PPIB: variants seen among roughly 807,000 people sequenced by gnomAD.
PPIB encodes peptidyl-prolyl cis-trans isomerase B.
In PPIB, 15 loss-of-function variants were observed where a neutral mutation model predicts 20.1. The ratio of observed to expected loss-of-function variants is 0.75; its 90% confidence interval spans 0.50 to 1.15. PPIB has a LOEUF of 1.15. Among genes scored for constraint, PPIB ranks in the 50% most tolerant of loss-of-function variants. PPIB has a pLI of 0.00. For missense variants in PPIB, 278 were observed against 283.0 expected, an observed-to-expected ratio of 0.98 and a Z score of 0.13; for synonymous variants, 129 against 111.0, an observed-to-expected ratio of 1.16 and a Z score of -1.02.
rs143287832 is a variant in PPIB at position 64,156,068 on chromosome 15, G to A, written c.606C>T (p.Cys202=). ...KPLKDVIIAD[C]GKIEVEKPFA... ...AGGGCTTCTCCACCTCGATCTTGCC[G>A]CAGTCTGCGATGATCACATCCTTCA... The change falls in exon 5 of 5, where the codon TGC becomes TGT. Residue 202 remains cysteine (C), a synonymous_variant. Coordinates refer to ENST00000300026, the MANE Select transcript of PPIB (RefSeq NM_000942.5). This position sits in a 1 kb window ranked among gnomAD's most constrained non-coding sequence, Gnocchi z 6.4. 3.2e-5 allele frequency: 51 copies of A among 1,614,062 alleles called. No homozygotes were observed. Among genetic ancestry groups the A allele is most frequent in the African/African-American group, 1.5e-4 (11 of 74,920 alleles).
In PPIB at chr15:64,162,139, G is replaced by A. The variant is rs1176556935; in HGVS notation, c.151C>T (p.Arg51Ter). Residue 51 changes from arginine (R) to a stop codon, truncating the protein, a stop_gained, in exon 2 of 5, where the codon CGA becomes TGA. Transcript: ENST00000300026. LOFTEE classifies it high-confidence loss of function. The stretch of plus-strand genomic sequence containing the variant: ...CGGCCTACATCTTCATCTCCAATTC[G>A]TAGGTCAAAATACACCTGAGGAAAG... ...KVTVKVYFDL[R>*]IGDEDVGRVI... The A allele has an allele frequency of 5.0e-6, 8 of 1,613,214 alleles. No individual in the cohort carries two copies. The highest frequency in any genetic ancestry group is 6.8e-6 in the Non-Finnish European group (8 of 1,179,192).
rs537743514 is a variant in PPIB at position 64,159,823 on chromosome 15, G to A, written c.343+281C>T. The A allele has an allele frequency of 1.1e-5, 6 of 543,208 alleles. No individual in the cohort carries two copies. Among genetic ancestry groups the A allele is most frequent in the South Asian group, 1.0e-4 (5 of 49,044 alleles). 33.6% of individuals were successfully genotyped at this position (543,208 alleles called of 1,614,324 possible). ...TCTCCCCAATCCCCATTCTGAAGAGGTATCAGGAAAGGTCACCAGGCTATA... is the reference window on the plus strand; with the variant it reads ...TCTCCCCAATCCCCATTCTGAAGAGATATCAGGAAAGGTCACCAGGCTATA... On this transcript the variant is annotated intron_variant, in intron 3 of 4. Transcript: ENST00000300026. This position sits in a 1 kb window ranked among gnomAD's most constrained non-coding sequence, Gnocchi z 5.1.
At position 64,159,847 on chromosome 15, in the gene PPIB, T is replaced by A. The variant is rs1366295498; in HGVS notation, c.343+257A>T. 6.9e-6 allele frequency: 4 copies of A among 578,268 alleles called. No homozygotes were observed. The highest frequency in any genetic ancestry group is 9.3e-6 in the Non-Finnish European group (3 of 323,304). The allele number at this position is 578,268 out of a possible 1,614,324, so 35.8% of individuals were successfully genotyped here. On this transcript the variant is annotated intron_variant, in intron 3 of 4. Coordinates refer to ENST00000300026, the MANE Select transcript of PPIB (RefSeq NM_000942.5). This position sits in a 1 kb window ranked among gnomAD's most constrained non-coding sequence, Gnocchi z 5.1. ...GGTATCAGGAAAGGTCACCAGGCTATAGGCCTGGATCAGCAGGACGGTCAC... is the reference window on the plus strand; with the variant it reads ...GGTATCAGGAAAGGTCACCAGGCTAAAGGCCTGGATCAGCAGGACGGTCAC...
chr15:64,159,828 A>C lies in PPIB; in HGVS notation c.343+276T>G, dbSNP rs971491870. ...CCAATCCCCATTCTGAAGAGGTATC[A>C]GGAAAGGTCACCAGGCTATAGGCCT... On this transcript the variant is annotated intron_variant, in intron 3 of 4. Coordinates refer to ENST00000300026, the MANE Select transcript of PPIB (RefSeq NM_000942.5). This position sits in a 1 kb window ranked among gnomAD's most constrained non-coding sequence, Gnocchi z 5.1. 1.8e-6 allele frequency: 1 copy of C among 550,166 alleles called. No individual in the cohort carries two copies. The highest frequency in any genetic ancestry group is 1.9e-5 in the African/African-American group (1 of 52,710). The allele number at this position is 550,166 out of a possible 1,614,324, so 34.1% of individuals were successfully genotyped here.
Position 64,162,090 on chromosome 15 carries a change from T to C in PPIB, c.200A>G (p.Lys67Arg), listed in dbSNP as rs777208720. Reference sequence around the variant, plus strand: ...ATTATCCACTGTTTTTGGAACAGTCTTTCCGAAGAGACCAAAGATCACCCG... The same window carrying C: ...ATTATCCACTGTTTTTGGAACAGTCCTTCCGAAGAGACCAAAGATCACCCG... ...VGRVIFGLFG[K>R]TVPKTVDNFV... The change falls in exon 2 of 5, where the codon AAG (lysine) becomes AGG (arginine). Residue 67 changes from lysine (K) to arginine (R), a missense_variant. Transcript: ENST00000300026. The C allele has an allele frequency of 4.3e-6, 7 of 1,614,060 alleles. No homozygotes were observed. Among genetic ancestry groups the C allele is most frequent in the Non-Finnish European group, 5.1e-6 (6 of 1,180,012 alleles).
Position 64,155,837 on chromosome 15 carries a change from A to T in PPIB, c.*186T>A. The T allele has an allele frequency of 1.3e-6, 1 of 777,096 alleles. No homozygotes were observed. The highest frequency in any genetic ancestry group is 2.0e-6 in the Non-Finnish European group (1 of 497,052). 48.1% of individuals were successfully genotyped at this position (777,096 alleles called of 1,614,324 possible). A position where few individuals can be genotyped will look rare whatever the true frequency, so the allele number is the denominator to read the frequency against. ...TTATATATTAAAAAAAAAAAAACCC[A>T]CATTTTTTTTTATTGGTCAGTGTTG... On this transcript the variant is annotated 3_prime_UTR_variant, in exon 5 of 5. Coordinates refer to ENST00000300026, the MANE Select transcript of PPIB (RefSeq NM_000942.5).
chr15:64,158,015 T>C lies in PPIB; in HGVS notation c.344-1106A>G, dbSNP rs1402917035. Among the ~76,000 whole-genome samples, 2 of 152,208 alleles carry C rather than the reference T, an allele frequency of 1.3e-5. No individual in the cohort carries two copies. The highest frequency in any genetic ancestry group is 6.5e-5 in the Admixed American group (1 of 15,282). On this transcript the variant is annotated intron_variant, in intron 3 of 4. Transcript: ENST00000300026. The surrounding 1 kb of genome is among the most constrained non-coding windows in gnomAD (Gnocchi z 4.7). ...CCCCATTTGAGCCAACTGTGGGATT[T>C]TGATTATAGTTGTTATCCAGAAAAC...
chr15:64,157,120 TGTG>T lies in PPIB; in HGVS notation c.344-214_344-212del, dbSNP rs542049949. On this transcript the variant is annotated intron_variant, in intron 3 of 4. Transcript: ENST00000300026. The surrounding 1 kb of genome is among the most constrained non-coding windows in gnomAD (Gnocchi z 4.2). ...CAAGTGGGGCATCAGGCCAGGCTGA[TGTG>T]GTGAACAGCTCACAGAAGGATTACT... 335 of 601,108 alleles carry T rather than the reference TGTG, an allele frequency of 5.6e-4. No homozygotes were observed. The highest frequency in any genetic ancestry group is 8.5e-4 in the Non-Finnish European group (288 of 338,900). 37.2% of individuals were successfully genotyped at this position (601,108 alleles called of 1,614,324 possible). A position where few individuals can be genotyped will look rare whatever the true frequency, so the allele number is the denominator to read the frequency against.
Position 64,155,838 on chromosome 15 carries a change from C to CATTT in PPIB, c.*181_*184dup. ...TATATATTAAAAAAAAAAAAACCCA[C>CATTT]ATTTTTTTTTATTGGTCAGTGTTGG... On this transcript the variant is annotated 3_prime_UTR_variant, in exon 5 of 5. Transcript: ENST00000300026. The CATTT allele has an allele frequency of 1.3e-6, 1 of 799,824 alleles. No individual in the cohort carries two copies. The highest frequency in any genetic ancestry group is 1.9e-6 in the Non-Finnish European group (1 of 515,580). The allele number at this position is 799,824 out of a possible 1,614,324, so 49.5% of individuals were successfully genotyped here. A position where few individuals can be genotyped will look rare whatever the true frequency, so the allele number is the denominator to read the frequency against.
In PPIB at chr15:64,162,865, T is replaced by C. The variant is rs2081570436; in HGVS notation, c.122A>G (p.Lys41Arg). The part of the protein sequence containing the change: ...SAADEKKKGP[K>R]VTVKVYFDLR... ...ACTCCACCGGACCTTGACGGTGACTTTGGGCCCCTTCTTCTTCTCATCGGC... is the reference window on the plus strand; with the variant it reads ...ACTCCACCGGACCTTGACGGTGACTCTGGGCCCCTTCTTCTTCTCATCGGC... The change falls in exon 1 of 5, where the codon AAA (lysine) becomes AGA (arginine). Residue 41 changes from lysine (K) to arginine (R), a missense_variant. Transcript: ENST00000300026. 2 of 1,611,486 alleles carry C rather than the reference T, an allele frequency of 1.2e-6. No individual in the cohort carries two copies. The highest frequency in any genetic ancestry group is 1.7e-6 in the Non-Finnish European group (2 of 1,179,204).
Position 64,158,355 on chromosome 15 carries a change from T to G in PPIB, c.344-1446A>C, listed in dbSNP as rs1490084301. On this transcript the variant is annotated intron_variant, in intron 3 of 4. Transcript: ENST00000300026. The surrounding 1 kb of genome is among the most constrained non-coding windows in gnomAD (Gnocchi z 4.7). ...CTCTATGAGGAGGAGCTAACTCCAC[T>G]TCAAAGATGAAGAAACTGAGGCACA... is the stretch of plus-strand genomic sequence containing the variant. Among the ~76,000 whole-genome samples the G allele has an allele frequency of 1.3e-5, 2 of 152,162 alleles. No individual in the cohort carries two copies. The highest frequency in any genetic ancestry group is 4.8e-5 in the African/African-American group (2 of 41,424).
chr15:64,162,655 A>G (rs2081569341), intron 1 of PPIB, among the ~76,000 whole-genome samples, 197 bp downstream of exon 1: 1 of 152,186 alleles, frequency 6.6e-6, no homozygotes, highest in Non-Finnish European at 1.5e-5. Flanking sequence ...CCGGGGATCC[A>G]ACTAACTCCC....
chr15:64,155,863 G>A lies in PPIB; in HGVS notation c.*160C>T, dbSNP rs1352619145. The A allele has an allele frequency of 1.5e-5, 16 of 1,062,052 alleles. No individual in the cohort carries two copies. In the East Asian group the frequency reaches 1.9e-4, roughly 13 times the overall value. The allele number at this position is 1,062,052 out of a possible 1,614,324, so 65.8% of individuals were successfully genotyped here. On this transcript the variant is annotated 3_prime_UTR_variant, in exon 5 of 5. Transcript: ENST00000300026. ...CATTTTTTTTTATTGGTCAGTGTTG[G>A]TAGGAGTTTGTTACAAAAGTGAGTC...
Position 64,161,255 on chromosome 15 carries a change from C to T in PPIB, c.249+786G>A, listed in dbSNP as rs1291724312. 6.6e-6 allele frequency among the ~76,000 whole-genome samples: 1 copy of T among 151,978 alleles called. No homozygotes were observed. Among genetic ancestry groups the T allele is most frequent in the Non-Finnish European group, 1.5e-5 (1 of 67,992 alleles). On this transcript the variant is annotated intron_variant, in intron 2 of 4. Coordinates refer to ENST00000300026, the MANE Select transcript of PPIB (RefSeq NM_000942.5). This position sits in a 1 kb window ranked among gnomAD's most constrained non-coding sequence, Gnocchi z 4.2. ...GGGACTACAGGCATGAGTTACTGCG[C>T]CCGGCCTTTTATTTTTAATTAATTT...
Position 64,156,975 on chromosome 15 carries a change from C to T in PPIB, c.344-66G>A. On this transcript the variant is annotated intron_variant, in intron 3 of 4. Coordinates refer to ENST00000300026, the MANE Select transcript of PPIB (RefSeq NM_000942.5). The surrounding 1 kb of genome is among the most constrained non-coding windows in gnomAD (Gnocchi z 6.4). ...GCCAAACCAAGCAGACATTCGGGGC[C>T]AGGACTGAGGGGGCTTAACCTGTCC... is the stretch of plus-strand genomic sequence containing the variant. 6.5e-6 allele frequency: 10 copies of T among 1,540,558 alleles called. No homozygotes were observed. Among genetic ancestry groups the T allele is most frequent in the South Asian group, 1.1e-5 (1 of 88,176 alleles).
At position 64,156,867 on chromosome 15, in the gene PPIB, T is replaced by A. The variant is rs752300639; in HGVS notation, c.386A>T (p.Lys129Ile). 1 of 1,614,208 alleles carries A rather than the reference T, an allele frequency of 6.2e-7. No homozygotes were observed. Residue 129 changes from lysine (K) to isoleucine (I), a missense_variant, in exon 4 of 5, where the codon AAA (lysine) becomes ATA (isoleucine). Physicochemically the swap from Lys to Ile is moderately radical, Grantham distance 102. Coordinates refer to ENST00000300026, the MANE Select transcript of PPIB (RefSeq NM_000942.5). This position sits in a 1 kb window ranked among gnomAD's most constrained non-coding sequence, Gnocchi z 6.4. ...CCAGCCAGGCCCGTAGTGCTTCAGT[T>A]TGAAGTTCTCATCGGGGAAGCGCTC... ...YGERFPDENF[K>I]LKHYGPGWVS...
chr15:64,159,693 G>A lies in PPIB; in HGVS notation c.343+411C>T, dbSNP rs181786003. On this transcript the variant is annotated intron_variant, in intron 3 of 4. Coordinates refer to ENST00000300026, the MANE Select transcript of PPIB (RefSeq NM_000942.5). The surrounding 1 kb of genome is among the most constrained non-coding windows in gnomAD (Gnocchi z 5.1). ...CTGGGATCACAGAGTCACCACGCCT[G>A]GCCCTCTCACTCTTGCTGGGGCTTC... The A allele has an allele frequency of 8.9e-5, 27 of 304,278 alleles. No homozygotes were observed. The highest frequency in any genetic ancestry group is 5.8e-4 in the African/African-American group (27 of 46,268). 18.8% of individuals were successfully genotyped at this position (304,278 alleles called of 1,614,324 possible).
At position 64,157,074 on chromosome 15, in the gene PPIB, C is replaced by T; in HGVS notation, c.344-165G>A. ...TCCTTCCTATCTTCTGGCCTCAGAG[C>T]CAAGCCATGCTGACTGAGGCCAAGT... On this transcript the variant is annotated intron_variant, in intron 3 of 4. Coordinates refer to ENST00000300026, the MANE Select transcript of PPIB (RefSeq NM_000942.5). The surrounding 1 kb of genome is among the most constrained non-coding windows in gnomAD (Gnocchi z 4.2). The T allele has an allele frequency of 1.3e-6, 1 of 741,810 alleles. No individual in the cohort carries two copies. Among genetic ancestry groups the T allele is most frequent in the South Asian group, 1.9e-5 (1 of 53,720 alleles). The allele number at this position is 741,810 out of a possible 1,614,324, so 46.0% of individuals were successfully genotyped here. A position where few individuals can be genotyped will look rare whatever the true frequency, so the allele number is the denominator to read the frequency against.
chr15:64,156,961 C>A lies in PPIB; in HGVS notation c.344-52G>T. ...GGGCGCTGGATTGCGCCAAACCAAG[C>A]AGACATTCGGGGCCAGGACTGAGGG... On this transcript the variant is annotated intron_variant, in intron 3 of 4. Transcript: ENST00000300026. The surrounding 1 kb of genome is among the most constrained non-coding windows in gnomAD (Gnocchi z 6.4). The A allele has an allele frequency of 1.3e-6, 2 of 1,586,926 alleles. No individual in the cohort carries two copies. Among genetic ancestry groups the A allele is most frequent in the Admixed American group, 1.7e-5 (1 of 59,516 alleles).
Sources: allele counts gnomAD v4.1 joint callset (sites outside exome capture counted in the v4.1 genomes callset), GRCh38; gene constraint gnomAD v4.1.1; non-coding constraint Gnocchi (gnomAD v3.1); transcripts MANE v1.5; gene names NCBI Gene and HGNC (gene_info 2026-07-23, HGNC 2026-07-21).